ZNF423: variants seen among roughly 807,000 people sequenced by gnomAD.
ZNF423 encodes Ebf-associated zinc finger protein.
A neutral mutation model predicts 95.8 loss-of-function variants in ZNF423; 12 were observed. That is an observed-to-expected ratio of 0.13 (90% CI 0.08 to 0.20). ZNF423 has a LOEUF of 0.20. Ranked by LOEUF, ZNF423 falls within the 10% of genes least tolerant of loss-of-function variation. ZNF423 has a pLI of 1.00. For synonymous variants in ZNF423, 749 were observed against 711.9 expected (o/e 1.05, Z -0.83); for missense variants, 1,316 against 1,737.1 (o/e 0.76, Z 4.31).
chr16:49,829,168 GA>G (rs1036249611), intron 1 of ZNF423, among the ~76,000 whole-genome samples: 5 of 152,224 alleles, frequency 3.3e-5, no homozygotes, highest in African/African-American at 1.2e-4. Context: ...TGTTAAACTT[GA>G]AGGAATCACA....
chr16:49,819,348 T>C (rs1489323749), intron 1 of ZNF423, among the ~76,000 whole-genome samples: 1 of 151,796 alleles, frequency 6.6e-6, no homozygotes, highest in Non-Finnish European at 1.5e-5. Context: ...TATTGGACAG[T>C]ACAGATATAG....
intron 1 of ZNF423, chr16:49,854,942 T>C: frequency 1.0e-6 from 1 of 984,440 alleles, no homozygotes. Context: ...AGATCCAGGG[T>C]GCCGGTGCCC....
intron 5 of ZNF423, among the ~76,000 whole-genome samples, chr16:49,596,672 T>A (rs1971187687): frequency 1.3e-5 from 2 of 152,210 alleles, no homozygotes; most frequent in Admixed American, 1.3e-4. Context: ...ATTATAAATA[T>A]AATTTGGCTC....
intron 2 of ZNF423, among the ~76,000 whole-genome samples, chr16:49,738,855 G>A (rs1280509793): frequency 6.6e-6 from 1 of 152,048 alleles, no homozygotes; most frequent in Non-Finnish European, 1.5e-5. Context: ...ACCACCAGGC[G>A]CCACATTCTA....
rs145009063 is a variant in ZNF423, at chr16:49,542,848, C to T, written c.3602-17354G>A. On this transcript the variant is annotated intron_variant, in intron 5 of 7. Transcript: ENST00000563137. ...AGCCAGGTCAGCGGAAACTTGGCAACGAGAAAGGCAAGAGGAGCAGCTGAG... is the reference window on the plus strand; with the variant it reads ...AGCCAGGTCAGCGGAAACTTGGCAATGAGAAAGGCAAGAGGAGCAGCTGAG... 1.9e-4 allele frequency among the ~76,000 whole-genome samples: 29 copies of T among 152,268 alleles called. No individual in the cohort carries two copies. In the South Asian group the frequency reaches 2.7e-3, roughly 14 times the overall value.
intron 5 of ZNF423, among the ~76,000 whole-genome samples, chr16:49,538,437 C>T (rs1249745002): frequency 2.6e-5 from 4 of 152,178 alleles, no homozygotes; most frequent in African/African-American, 4.8e-5. Flanking sequence ...CTTTGCTCTC[C>T]GCTCCTGGCC....
chr16:49,632,252 A>ACC (rs1972529750), intron 4 of ZNF423, among the ~76,000 whole-genome samples: 2 of 152,090 alleles, frequency 1.3e-5, no homozygotes, highest in Admixed American at 6.6e-5. Flanking sequence ...ACAGGAACCC[A>ACC]GTCCTCTGAG....
chr16:49,760,823 T>C (rs773338916), intron 2 of ZNF423, among the ~76,000 whole-genome samples: 10 of 151,174 alleles, frequency 6.6e-5, no homozygotes, highest in Admixed American at 4.6e-4. Context: ...TCCACCCCAC[T>C]GACTTCTCCC....
intron 1 of ZNF423, among the ~76,000 whole-genome samples, chr16:49,822,088 C>A (rs987148552): frequency 3.3e-5 from 5 of 151,964 alleles, no homozygotes; most frequent in African/African-American, 1.2e-4. Context: ...TCCAACAGCA[C>A]GTGGGCAGGA....
intron 4 of ZNF423, among the ~76,000 whole-genome samples, chr16:49,631,092 G>A (rs1972478262): frequency 1.3e-5 from 2 of 152,178 alleles, no homozygotes; most frequent in Admixed American, 1.3e-4. Context: ...CCATCCACAT[G>A]GGTGAACAAG....
chr16:49,638,502 C>G lies in ZNF423; in HGVS notation c.674G>C (p.Ser225Thr). 6.2e-7 allele frequency: 1 copy of G among 1,613,760 alleles called. No homozygotes were observed. The highest frequency in any genetic ancestry group is 8.5e-7 in the Non-Finnish European group (1 of 1,180,018). ...DHLKIHLKTH[S>T]SSKPFKCTVC... is the part of the protein sequence containing the mutation. ...AGTGCACTTGAAGGGCTTGCTGGAG[C>G]TGTGGGTCTTCAGGTGGATCTTGAG... Residue 225 changes from serine to threonine, a missense_variant, in exon 4 of 8, where the codon AGC becomes ACC. Ser to Thr is a moderately conservative substitution (Grantham distance 58). Transcript: ENST00000563137. The surrounding 1 kb of genome is among the most constrained non-coding windows in gnomAD (Gnocchi z 5.6).
chr16:49,608,024 C>T (rs1971594514), intron 5 of ZNF423, among the ~76,000 whole-genome samples: 1 of 152,204 alleles, frequency 6.6e-6, no homozygotes, highest in Non-Finnish European at 1.5e-5. Flanking sequence ...ATATCTTCAA[C>T]ACTGGATCAG....
chr16:49,759,312 T>A (rs368088054), intron 2 of ZNF423, among the ~76,000 whole-genome samples: 1 of 151,506 alleles, frequency 6.6e-6, no homozygotes, highest in African/African-American at 2.4e-5. Flanking sequence ...GGCAGGAGAA[T>A]CGCTTGAACC....
chr16:49,666,600 A>G (rs1361093904), intron 3 of ZNF423, among the ~76,000 whole-genome samples: 1 of 152,226 alleles, frequency 6.6e-6, no homozygotes, highest in Non-Finnish European at 1.5e-5. Flanking sequence ...ACATGCATGC[A>G]TGCACAGTTA....
chr16:49,853,717 C>A (rs1348713906), intron 1 of ZNF423: 2 of 985,252 alleles, frequency 2.0e-6, no homozygotes, highest in African/African-American at 3.5e-5. Flanking sequence ...AGGCTGAAGA[C>A]CAATTCTTGA....
intron 3 of ZNF423, among the ~76,000 whole-genome samples, chr16:49,641,343 G>A (rs1025148732): frequency 2.0e-5 from 3 of 152,210 alleles, no homozygotes; most frequent in African/African-American, 4.8e-5. Flanking sequence ...AGAGGCCCAC[G>A]TGTAAAGCCT....
At chr16:49,520,198 C>T (rs1221574879) in intron 7 of ZNF423, among the ~76,000 whole-genome samples, 1 of 152,226 alleles carries the variant, frequency 6.6e-6, no homozygotes, top group Non-Finnish European at 1.5e-5. Context: ...GGGCCTGGCA[C>T]ATCATGGGCC....
intron 2 of ZNF423, among the ~76,000 whole-genome samples, chr16:49,768,060 C>G (rs908334735): frequency 6.6e-6 from 1 of 152,218 alleles, no homozygotes; most frequent in African/African-American, 2.4e-5. Flanking sequence ...TTACACATCC[C>G]TCTAATCCTG....
intron 1 of ZNF423, among the ~76,000 whole-genome samples, chr16:49,813,446 CT>C (rs1259654211): frequency 6.6e-6 from 1 of 152,196 alleles, no homozygotes; most frequent in Non-Finnish European, 1.5e-5. Flanking sequence ...GGAACCGCCC[CT>C]AACCCTAACC....
Sources: allele counts gnomAD v4.1 joint callset (sites outside exome capture counted in the v4.1 genomes callset), GRCh38; gene constraint gnomAD v4.1.1; non-coding constraint Gnocchi (gnomAD v3.1); transcripts MANE v1.5; gene names NCBI Gene and HGNC (gene_info 2026-07-23, HGNC 2026-07-21).